TSC22D2: variants seen among roughly 807,000 people sequenced by gnomAD.
TSC22D2 encodes the protein TSC22 domain family protein 2.
A neutral mutation model predicts 50.1 loss-of-function variants in TSC22D2; 5 were observed. The observed-to-expected ratio is 0.10, with a 90% CI of 0.05 to 0.21. The LOEUF (loss-of-function observed/expected upper bound fraction) is 0.21. TSC22D2 is among the 10% of genes least tolerant of loss of function. TSC22D2 has a pLI of 1.00. For missense variants in TSC22D2, 1,003 were observed against 1,015.5 expected, an observed-to-expected ratio of 0.99 and a Z score of 0.17; for synonymous variants, 501 against 450.1, an observed-to-expected ratio of 1.11 and a Z score of -1.43.
chr3:150,456,195 GT>G (rs869193035), intron 1 of TSC22D2, among the ~76,000 whole-genome samples: 2 of 101,480 alleles, frequency 2.0e-5, no homozygotes, highest in African/African-American at 3.8e-5. Context: ...TTTTTTTTTT[GT>G]TTTTTTTTGA....
In TSC22D2 at chr3:150,422,995, T is replaced by C. The variant is rs535465256; in HGVS notation, c.1958+11687T>C. 7.7e-6 allele frequency: 10 copies of C among 1,290,464 alleles called. No individual in the cohort carries two copies. In the South Asian group the frequency reaches 1.3e-4, roughly 17 times the overall value. 79.9% of individuals were successfully genotyped at this position (1,290,464 alleles called of 1,614,324 possible). ...TCTTCCATCTTCTTTTGAAAAGTAG[T>C]GATTATACTGTACGTTCTCAACCTC... On this transcript the variant is annotated intron_variant, in intron 1 of 2. Transcript: ENST00000688009.
Position 150,409,200 on chromosome 3 carries a change from C to G in TSC22D2, c.-151C>G. On this transcript the variant is annotated 5_prime_UTR_variant, in exon 1 of 3. Transcript: ENST00000688009. This position sits in a 1 kb window ranked among gnomAD's most constrained non-coding sequence, Gnocchi z 7.4. ...GGATGTCTCACCGGGCGGCCAGCGCCTGGATCAGCCCGTGACTCTTAACAG... is the reference window on the plus strand; with the variant it reads ...GGATGTCTCACCGGGCGGCCAGCGCGTGGATCAGCCCGTGACTCTTAACAG... The G allele has an allele frequency of 2.4e-6, 2 of 841,834 alleles. No homozygotes were observed. 52.1% of individuals were successfully genotyped at this position (841,834 alleles called of 1,614,324 possible).
At chr3:150,442,172 A>G (rs1720739206) in intron 1 of TSC22D2, among the ~76,000 whole-genome samples, 1 of 151,270 alleles carries the variant, frequency 6.6e-6, no homozygotes, top group Non-Finnish European at 1.5e-5. Flanking sequence ...TCTCCACCCA[A>G]CTGTGGCATT....
At position 150,409,566 on chromosome 3, in the gene TSC22D2, T is replaced by TAAC. The variant is rs752896550; in HGVS notation, c.219_221dup (p.Asn74dup). The TAAC allele has an allele frequency of 3.7e-6, 6 of 1,601,062 alleles. No homozygotes were observed. The highest frequency in any genetic ancestry group is 5.1e-6 in the Non-Finnish European group (6 of 1,169,824). On this transcript the variant is annotated inframe_insertion, in exon 1 of 3. Coordinates refer to ENST00000688009, the MANE Select transcript of TSC22D2 (RefSeq NM_001303264.2). This position sits in a 1 kb window ranked among gnomAD's most constrained non-coding sequence, Gnocchi z 7.4. ...AGCGCAGCTCTTCCGAAGAGACGCT[T>TAAC]AACAATGTTGGGGATGCGGAGACTC...
chr3:150,434,769 A>G (rs376662299), intron 1 of TSC22D2, among the ~76,000 whole-genome samples: 152 of 152,168 alleles, frequency 1.0e-3, no homozygotes, highest in African/African-American at 3.6e-3. Context: ...TATAATGCAT[A>G]ACATACCAAA....
At position 150,410,313 on chromosome 3, in the gene TSC22D2, A is replaced by T; in HGVS notation, c.963A>T (p.Gly321=). The change falls in exon 1 of 3, where the codon GGA becomes GGT. Residue 321 remains glycine (G), a synonymous_variant. Coordinates refer to ENST00000688009, the MANE Select transcript of TSC22D2 (RefSeq NM_001303264.2). ...AGCCCCAGGGAGCGGGGCCCGGGGG[A>T]CAGACTCTGCCGCCGACGAATGTAA... ...PSQPQGAGPG[G]QTLPPTNVTL... 1.9e-6 allele frequency: 3 copies of T among 1,572,918 alleles called. No homozygotes were observed. The highest frequency in any genetic ancestry group is 1.2e-5 in the South Asian group (1 of 86,106).
intron 1 of TSC22D2, among the ~76,000 whole-genome samples, chr3:150,422,882 A>G (rs1372936143): frequency 2.0e-5 from 3 of 152,160 alleles, no homozygotes; most frequent in Non-Finnish European, 4.4e-5. Context: ...CCAGTTTTTA[A>G]TTTCTTCTAA....
At chr3:150,446,058 C>T (rs1720875866) in intron 1 of TSC22D2, among the ~76,000 whole-genome samples, 1 of 143,598 alleles carries the variant, frequency 7.0e-6, no homozygotes, top group African/African-American at 2.6e-5. Flanking sequence ...TGTGCCACTG[C>T]ACTCCAGCCT....
intron 1 of TSC22D2, among the ~76,000 whole-genome samples, chr3:150,446,728 A>G (rs1466617957): frequency 1.3e-5 from 2 of 152,154 alleles, no homozygotes; most frequent in East Asian, 3.9e-4. Context: ...AAACCCCATG[A>G]TATTCTTCTG....
chr3:150,409,493 T>A lies in TSC22D2; in HGVS notation c.143T>A (p.Ile48Asn). The change falls in exon 1 of 3, where the codon ATT becomes AAT. Residue 48 changes from isoleucine to asparagine, a missense_variant. Transcript: ENST00000688009. The surrounding 1 kb of genome is among the most constrained non-coding windows in gnomAD (Gnocchi z 7.4). ...CGCACAGAGGACGTCTCCTCCGAGATTTTCGACGTCTCTCGGGCCACGGAT... is the reference window on the plus strand; with the variant it reads ...CGCACAGAGGACGTCTCCTCCGAGAATTTCGACGTCTCTCGGGCCACGGAT... ...ESRTEDVSSE[I>N]FDVSRATDYG... 1 of 1,612,190 alleles carries A rather than the reference T, an allele frequency of 6.2e-7. No individual in the cohort carries two copies.
At position 150,419,125 on chromosome 3, in the gene TSC22D2, A is replaced by G. The variant is rs548813946; in HGVS notation, c.1958+7817A>G. On this transcript the variant is annotated intron_variant, in intron 1 of 2. Transcript: ENST00000688009. The stretch of plus-strand genomic sequence containing the variant: ...AGCAAGCTTACTTGTGTCAGGTCCT[A>G]TGTATATAGACTTTCATTTGATCTT... Among the ~76,000 whole-genome samples the G allele has an allele frequency of 6.6e-5, 10 of 152,214 alleles. No homozygotes were observed. In the South Asian group the frequency reaches 1.7e-3, roughly 25 times the overall value.
In TSC22D2 at chr3:150,461,055, C is replaced by G. The variant is rs147915446; in HGVS notation, c.*2419C>G. ...TTTTTGGCGAATTGTAATAAGTGTCCTAAGTAGCAGGACTTAACATAGAAA... is the reference window on the plus strand; with the variant it reads ...TTTTTGGCGAATTGTAATAAGTGTCGTAAGTAGCAGGACTTAACATAGAAA... On this transcript the variant is annotated 3_prime_UTR_variant, in exon 3 of 3. Transcript: ENST00000688009. The G allele has an allele frequency of 6.6e-6, 1 of 152,072 alleles. No individual in the cohort carries two copies. The highest frequency in any genetic ancestry group is 1.5e-5 in the Non-Finnish European group (1 of 68,022). 9.4% of individuals were successfully genotyped at this position (152,072 alleles called of 1,614,324 possible).
Position 150,408,305 on chromosome 3 carries a change from A to C in TSC22D2, c.-1046A>C, listed in dbSNP as rs1296611957. 1 of 153,536 alleles carries C rather than the reference A, an allele frequency of 6.5e-6. No individual in the cohort carries two copies. Among genetic ancestry groups the C allele is most frequent in the Non-Finnish European group, 1.5e-5 (1 of 68,458 alleles). 9.5% of individuals were successfully genotyped at this position (153,536 alleles called of 1,614,324 possible). On this transcript the variant is annotated 5_prime_UTR_variant, in exon 1 of 3. Coordinates refer to ENST00000688009, the MANE Select transcript of TSC22D2 (RefSeq NM_001303264.2). ...CGGCAGCGGCGGCATTTTAGTCGGC[A>C]GCGGCGGCGGCAGCGGGGCTGCTGC...
chr3:150,412,313 T>TAA (rs1719604278), intron 1 of TSC22D2, among the ~76,000 whole-genome samples: 1 of 151,786 alleles, frequency 6.6e-6, no homozygotes, highest in Non-Finnish European at 1.5e-5. Context: ...ATTTCACAGT[T>TAA]AGACATTTCT....
chr3:150,458,213 T>A (rs959830400), intron 2 of TSC22D2, among the ~76,000 whole-genome samples, 163 bp from the exon 3 acceptor site: 28 of 152,166 alleles, frequency 1.8e-4, no homozygotes, highest in African/African-American at 6.3e-4. Flanking sequence ...GGAACTGGAT[T>A]TTTTCCAACC....
chr3:150,435,596 T>TA (rs1430546445), intron 1 of TSC22D2, among the ~76,000 whole-genome samples: 1 of 152,160 alleles, frequency 6.6e-6, no homozygotes, highest in Non-Finnish European at 1.5e-5. Context: ...TGGGTAGTCT[T>TA]ATAGAATTTT....
intron 1 of TSC22D2, among the ~76,000 whole-genome samples, chr3:150,416,456 ATTAT>A (rs1192318387): frequency 3.9e-5 from 6 of 152,148 alleles, no homozygotes; most frequent in African/African-American, 1.4e-4. Flanking sequence ...ATTAGAATAA[ATTAT>A]TTAAGTGTAT....
chr3:150,434,788 A>G (rs34983941), intron 1 of TSC22D2, among the ~76,000 whole-genome samples: 28,568 of 152,014 alleles, frequency 0.19, 2,996 homozygotes, highest in African/African-American at 0.25. Flanking sequence ...AACACTTTAT[A>G]TATGTGTATA....
chr3:150,417,132 T>A (rs1459681364), intron 1 of TSC22D2, among the ~76,000 whole-genome samples: 1 of 152,134 alleles, frequency 6.6e-6, no homozygotes, highest in Non-Finnish European at 1.5e-5. Flanking sequence ...AAGCTTCTTT[T>A]CCCATAAGCC....
Sources: gnomAD v4.1 joint callset for allele counts (sites outside exome capture counted in the v4.1 genomes callset) on GRCh38, gnomAD v4.1.1 for gene constraint, Gnocchi (gnomAD v3.1) non-coding constraint, MANE v1.5 for transcripts, NCBI Gene and HGNC (gene_info 2026-07-23, HGNC 2026-07-21) for gene names.